SNX5: variants seen among roughly 807,000 people sequenced by gnomAD.
SNX5 encodes sorting nexin 5.
Under a neutral mutation model 53.9 loss-of-function variants are expected in SNX5, and 31 were observed. The observed-to-expected ratio is 0.58, with a 90% CI of 0.43 to 0.78. The LOEUF is 0.78. SNX5 is among the 30% of genes least tolerant of loss of function. The pLI, the probability that SNX5 is intolerant of heterozygous loss-of-function variation, is 0.00. For missense variants in SNX5, 471 were observed against 478.8 expected (o/e 0.98, Z 0.15); for synonymous variants, 168 against 171.1 (o/e 0.98, Z 0.14).
intron 1 of SNX5, chr20:17,961,021 C>G (rs1233703124): frequency 1.2e-5 from 6 of 507,218 alleles, no homozygotes; most frequent in Non-Finnish European, 1.5e-5. Flanking sequence ...ACAAGCACGG[C>G]TTCATTTGGA....
At chr20:17,967,088 G>A (rs2035552062) in intron 1 of SNX5, among the ~76,000 whole-genome samples, 1 of 152,152 alleles carries the variant, frequency 6.6e-6, no homozygotes, top group Non-Finnish European at 1.5e-5. Flanking sequence ...TGGAGGATCA[G>A]GGTGGTGGAA....
chr20:17,964,471 A>G (rs1228452530), intron 1 of SNX5, among the ~76,000 whole-genome samples: 2 of 152,194 alleles, frequency 1.3e-5, no homozygotes, highest in East Asian at 3.8e-4. Context: ...CTGGGGTACT[A>G]TGGTTTGCCT....
chr20:17,968,628 C>T lies in SNX5; in HGVS notation c.-203G>A, dbSNP rs1045928223. 3.2e-6 allele frequency: 2 copies of T among 622,184 alleles called. No homozygotes were observed. Among genetic ancestry groups the T allele is most frequent in the Non-Finnish European group, 5.8e-6 (2 of 345,302 alleles). 38.5% of individuals were successfully genotyped at this position (622,184 alleles called of 1,614,324 possible). On this transcript the variant is annotated 5_prime_UTR_variant, in exon 1 of 13. Coordinates refer to ENST00000377759, the MANE Select transcript of SNX5 (RefSeq NM_014426.4). Reference sequence around the variant, plus strand: ...GCAGGCGAGCAGGGCGCCACGTGCTCCCCCAGAGCAGCCTCCCAGTCCCCG... The same window carrying T: ...GCAGGCGAGCAGGGCGCCACGTGCTTCCCCAGAGCAGCCTCCCAGTCCCCG...
intron 4 of SNX5, among the ~76,000 whole-genome samples, chr20:17,953,336 A>G (rs913176408): frequency 5.3e-5 from 8 of 152,252 alleles, no homozygotes; most frequent in African/African-American, 1.9e-4. Context: ...GAGGAAATGC[A>G]AGGATGGATT....
intron 1 of SNX5, among the ~76,000 whole-genome samples, chr20:17,963,963 A>C (rs2035497584): frequency 6.6e-6 from 1 of 152,186 alleles, no homozygotes; most frequent in Non-Finnish European, 1.5e-5. Flanking sequence ...TAAATATTCC[A>C]ATACTCAGAC....
At chr20:17,962,198 CTTTT>C (rs71194211) in intron 1 of SNX5, 56 of 133,862 alleles carry the variant, frequency 4.2e-4, no homozygotes, top group Middle Eastern at 3.6e-3. Flanking sequence ...ATTAACTCTG[CTTTT>C]TTTTTTTTTT....
At chr20:17,962,918 C>T (rs571532638) in intron 1 of SNX5, 26 of 518,474 alleles carry the variant, frequency 5.0e-5, no homozygotes, top group East Asian at 2.2e-4. Context: ...GCGCACTCAG[C>T]GAATGGATAA....
At chr20:17,963,147 T>C (rs755447124) in intron 1 of SNX5, among the ~76,000 whole-genome samples, 3 of 152,188 alleles carry the variant, frequency 2.0e-5, no homozygotes, top group Non-Finnish European at 4.4e-5. Context: ...TGGGAATCAA[T>C]ACACCACTGC....
chr20:17,959,085 C>G (rs2035408818), intron 1 of SNX5, among the ~76,000 whole-genome samples: 1 of 152,194 alleles, frequency 6.6e-6, no homozygotes, highest in Non-Finnish European at 1.5e-5. Flanking sequence ...TAGCACTGCT[C>G]AAATGAATAT....
intron 11 of SNX5, among the ~76,000 whole-genome samples, chr20:17,945,733 G>A (rs1408465686): frequency 1.3e-5 from 2 of 152,092 alleles, no homozygotes; most frequent in African/African-American, 4.8e-5. Context: ...AGGAAGCTCT[G>A]TGCCTTTGTG....
intron 6 of SNX5, among the ~76,000 whole-genome samples, chr20:17,950,733 GT>G (rs957184585): frequency 2.0e-5 from 3 of 151,630 alleles, no homozygotes; most frequent in Admixed American, 6.6e-5. Context: ...TGTGAATGAG[GT>G]TTTTTTTTCT....
intron 1 of SNX5, among the ~76,000 whole-genome samples, chr20:17,958,249 G>GCACGGAA (rs2035395840): frequency 1.3e-5 from 2 of 152,294 alleles, no homozygotes; most frequent in South Asian, 4.1e-4. Context: ...GGAATGCCAA[G>GCACGGAA]TGAAGATTAC....
chr20:17,956,205 T>C (rs780251552), intron 2 of SNX5, among the ~76,000 whole-genome samples: 8 of 152,202 alleles, frequency 5.3e-5, no homozygotes, highest in Non-Finnish European at 1.2e-4. Context: ...CTGGCTTCCT[T>C]CCTTTTCACT....
At chr20:17,946,628 T>C (rs2039491351) in intron 11 of SNX5, among the ~76,000 whole-genome samples, 1 of 152,092 alleles carries the variant, frequency 6.6e-6, no homozygotes, top group South Asian at 2.1e-4. Flanking sequence ...CCAACTTGGG[T>C]AGGAAAGCTA....
intron 11 of SNX5, among the ~76,000 whole-genome samples, chr20:17,946,233 T>C (rs2039486008): frequency 6.6e-6 from 1 of 152,190 alleles, no homozygotes; most frequent in Non-Finnish European, 1.5e-5. Context: ...GGCATATGTG[T>C]GCACACACAC....
intron 6 of SNX5, 115 bp from the exon 7 acceptor site, chr20:17,950,511 A>T (rs753908549): frequency 1.5e-4 from 98 of 636,202 alleles, no homozygotes; most frequent in Non-Finnish European, 2.5e-4. Flanking sequence ...AACGTGAGTA[A>T]AGTTTAACCT....
At chr20:17,963,299 GCAAA>G (rs1404531141) in intron 1 of SNX5, among the ~76,000 whole-genome samples, 5 of 152,030 alleles carry the variant, frequency 3.3e-5, no homozygotes, top group Non-Finnish European at 5.9e-5. Context: ...GGGCAACACA[GCAAA>G]GCCTTAAAAA....
At chr20:17,962,630 ATCTCAGTCTACT>A in intron 1 of SNX5, 1 of 404,144 alleles carries the variant, frequency 2.5e-6, no homozygotes, top group South Asian at 1.9e-5. Context: ...CTAACAGAAG[ATCTCAGTCTACT>A]AACATAGCTA....
At chr20:17,961,487 T>C (rs991159740) in intron 1 of SNX5, 7 of 985,312 alleles carry the variant, frequency 7.1e-6, no homozygotes, top group East Asian at 1.1e-4. Context: ...ATCTGTTAGA[T>C]TGGGGCTAGT....
Sources: gnomAD v4.1 joint callset for allele counts (sites outside exome capture counted in the v4.1 genomes callset) on GRCh38, gnomAD v4.1.1 for gene constraint, MANE v1.5 for transcripts, NCBI Gene and HGNC (gene_info 2026-07-23, HGNC 2026-07-21) for gene names.